The following RPTOR variants were observed in gnomAD, a reference collection of about 807,000 sequenced individuals.
RPTOR encodes the protein regulatory associated protein of MTOR complex 1.
In RPTOR, 21 loss-of-function variants were observed where a neutral mutation model predicts 169.9. That is an observed-to-expected ratio of 0.12 (90% confidence interval 0.09 to 0.18). The LOEUF (loss-of-function observed/expected upper bound fraction) is 0.18, where lower values mean the gene tolerates loss of function less well. Ranked by LOEUF, RPTOR falls within the 10% of genes least tolerant of loss-of-function variation. The pLI is 1.00. For missense variants in RPTOR, 1,133 were observed against 1,855.9 expected (o/e 0.61, Z 7.16); for synonymous variants, 732 against 753.2 (o/e 0.97, Z 0.46).
chr17:80,946,043 G>A (rs952083309), intron 26 of RPTOR, among the ~76,000 whole-genome samples: 1 of 152,152 alleles, frequency 6.6e-6, no homozygotes, highest in Non-Finnish European at 1.5e-5. Context: ...GAGGGGAGTG[G>A]CAGGGACTCC....
chr17:80,615,032 G>A (rs139403080), intron 1 of RPTOR, among the ~76,000 whole-genome samples: 322 of 152,286 alleles, frequency 2.1e-3, no homozygotes, highest in Admixed American at 4.8e-3. Flanking sequence ...TTTTACTAAG[G>A]TGAGGTTTGC....
At chr17:80,625,143 T>A (rs961171254) in intron 1 of RPTOR, among the ~76,000 whole-genome samples, 1 of 152,060 alleles carries the variant, frequency 6.6e-6, no homozygotes, top group African/African-American at 2.4e-5. Context: ...GTACGAGGAA[T>A]GAGTAGTGAG....
chr17:80,591,242 C>A (rs184195122), intron 1 of RPTOR, among the ~76,000 whole-genome samples: 7,135 of 48,146 alleles, frequency 0.15, 1,441 homozygotes, highest in Non-Finnish European at 0.22. Context: ...CTCTCCTCCC[C>A]TCTCCTCCCC....
intron 10 of RPTOR, among the ~76,000 whole-genome samples, chr17:80,838,255 CG>C (rs1458303212): frequency 6.6e-6 from 1 of 152,216 alleles, no homozygotes; most frequent in East Asian, 1.9e-4. Context: ...TTTCTTAATG[CG>C]GACTCACTCC....
At chr17:80,872,130 G>GTCTTCCACAGAAGCTGTCA (rs975827253) in intron 13 of RPTOR, among the ~76,000 whole-genome samples, 2 of 152,232 alleles carry the variant, frequency 1.3e-5, no homozygotes, top group African/African-American at 4.8e-5. Context: ...TGAAGCTGGC[G>GTCTTCCACAGAAGCTGTCA]TCTTCCACAG....
chr17:80,936,981 C>T lies in RPTOR; in HGVS notation c.2920-3515C>T, dbSNP rs1469702818. Among the ~76,000 whole-genome samples the T allele has an allele frequency of 6.6e-6, 1 of 152,218 alleles. No individual in the cohort carries two copies. Among genetic ancestry groups the T allele is most frequent in the South Asian group, 2.1e-4 (1 of 4,828 alleles). Reference sequence around the variant, plus strand: ...GTTGCCTGTGGACTCACGACGCACACCACTACCTCTTCCGCCTCTTCCTCT... The same window carrying T: ...GTTGCCTGTGGACTCACGACGCACATCACTACCTCTTCCGCCTCTTCCTCT... On this transcript the variant is annotated intron_variant, in intron 24 of 33. Coordinates refer to ENST00000306801, the MANE Select transcript of RPTOR (RefSeq NM_020761.3). This position sits in a 1 kb window ranked among gnomAD's most constrained non-coding sequence, Gnocchi z 4.1.
chr17:80,610,320 A>G (rs544155995), intron 1 of RPTOR, among the ~76,000 whole-genome samples: 8 of 152,348 alleles, frequency 5.3e-5, no homozygotes, highest in African/African-American at 1.7e-4. Flanking sequence ...ATGATGATAT[A>G]GACAGAAAAC....
intron 3 of RPTOR, among the ~76,000 whole-genome samples, chr17:80,693,274 T>G (rs2066008075): frequency 6.6e-6 from 1 of 151,984 alleles, no homozygotes; most frequent in African/African-American, 2.4e-5. Flanking sequence ...AGGGCCCACT[T>G]CTCCCAGCAG....
chr17:80,547,454 G>C (rs2084290490), intron 1 of RPTOR, among the ~76,000 whole-genome samples: 1 of 152,160 alleles, frequency 6.6e-6, no homozygotes, highest in African/African-American at 2.4e-5. Context: ...ACATTAATTT[G>C]TGAATGATCA....
rs548892541 is a variant in RPTOR, at chr17:80,644,907, A to G, written c.348+1097A>G. Among the ~76,000 whole-genome samples, 41 of 152,304 alleles carry G rather than the reference A, an allele frequency of 2.7e-4. No individual in the cohort carries two copies. The Middle Eastern group carries it at 0.01, about 38-fold the overall frequency. On this transcript the variant is annotated intron_variant, in intron 3 of 33. Coordinates refer to ENST00000306801, the MANE Select transcript of RPTOR (RefSeq NM_020761.3). The stretch of plus-strand genomic sequence containing the variant: ...TTGTGCTTGCATTGCCAACTTGTCA[A>G]GTCAATAACAGCAGACTTTTGTTCT...
At chr17:80,781,241 G>C (rs899888232) in intron 6 of RPTOR, among the ~76,000 whole-genome samples, 2 of 152,210 alleles carry the variant, frequency 1.3e-5, no homozygotes, top group African/African-American at 4.8e-5. Flanking sequence ...GTGCATTTCA[G>C]TTTTTTGTTT....
chr17:80,736,976 C>G (rs180737845), intron 5 of RPTOR, among the ~76,000 whole-genome samples: 3 of 152,210 alleles, frequency 2.0e-5, no homozygotes, highest in Non-Finnish European at 2.9e-5. Flanking sequence ...CCTGTAATCT[C>G]ATAGTTTTGT....
At chr17:80,557,674 T>C (rs4480861) in intron 1 of RPTOR, among the ~76,000 whole-genome samples, 131,805 of 151,890 alleles carry the variant, frequency 0.87, 58,880 homozygotes, top group East Asian at 1. Flanking sequence ...CCTGTAATCC[T>C]AGCACTTTGG....
At chr17:80,764,560 A>G (rs1156663233) in intron 6 of RPTOR, among the ~76,000 whole-genome samples, 1 of 151,552 alleles carries the variant, frequency 6.6e-6, no homozygotes, top group East Asian at 1.9e-4. Context: ...CCAGTCTATC[A>G]TTGTTGGACA....
intron 12 of RPTOR, among the ~76,000 whole-genome samples, chr17:80,856,081 C>T (rs1048232165): frequency 5.3e-5 from 8 of 152,288 alleles, no homozygotes; most frequent in African/African-American, 1.7e-4. Context: ...AAATAACTCA[C>T]AGGGAAAGTA....
At chr17:80,958,547 A>G (rs1432685054) in intron 29 of RPTOR, among the ~76,000 whole-genome samples, 1 of 149,746 alleles carries the variant, frequency 6.7e-6, no homozygotes, top group Non-Finnish European at 1.5e-5. Flanking sequence ...AGTAGCTGGG[A>G]CTACAAGCGC....
At chr17:80,958,955 G>A (rs2069295810) in intron 29 of RPTOR, among the ~76,000 whole-genome samples, 1 of 152,230 alleles carries the variant, frequency 6.6e-6, no homozygotes, top group Admixed American at 6.5e-5. Flanking sequence ...GGAGAGGTGT[G>A]GCACAGAGGC....
At chr17:80,799,241 G>A (rs1482491613) in intron 7 of RPTOR, among the ~76,000 whole-genome samples, 2 of 152,334 alleles carry the variant, frequency 1.3e-5, no homozygotes, top group Admixed American at 1.3e-4. Context: ...TTACGTTTTA[G>A]CAGTTCATTA....
In RPTOR at chr17:80,707,616, T is replaced by C. The variant is rs2066151542; in HGVS notation, c.349-225T>C. Among the ~76,000 whole-genome samples the C allele has an allele frequency of 6.6e-6, 1 of 151,940 alleles. No individual in the cohort carries two copies. Among genetic ancestry groups the C allele is most frequent in the South Asian group, 2.1e-4 (1 of 4,810 alleles). On this transcript the variant is annotated intron_variant, in intron 3 of 33. Coordinates refer to ENST00000306801, the MANE Select transcript of RPTOR (RefSeq NM_020761.3). This position sits in a 1 kb window ranked among gnomAD's most constrained non-coding sequence, Gnocchi z 5.0. ...TCTGCTGCCCAGGCTGATCTTGAGC[T>C]CCCGGGCTCAACCAGTTCTCCCACC...
Sources: allele counts gnomAD v4.1 joint callset (sites outside exome capture counted in the v4.1 genomes callset), GRCh38; gene constraint gnomAD v4.1.1; non-coding constraint Gnocchi (gnomAD v3.1); transcripts MANE v1.5; gene names NCBI Gene and HGNC (gene_info 2026-07-23, HGNC 2026-07-21).